MAPK10: variants seen among roughly 807,000 people sequenced by gnomAD.
The protein encoded by MAPK10 is mitogen-activated protein kinase 10.
MAPK10 carries 25 observed loss-of-function variants against 59.3 expected under a neutral mutation model. The ratio of observed to expected loss-of-function variants is 0.42; its 90% CI spans 0.31 to 0.59. The LOEUF (loss-of-function observed/expected upper bound fraction) is 0.59, where lower values mean the gene tolerates loss of function less well. MAPK10 is among the 20% of genes least tolerant of loss of function. The pLI, the probability that MAPK10 is intolerant of heterozygous loss-of-function variation, is 0.15. For missense variants in MAPK10, 351 were observed against 568.9 expected (o/e 0.62, Z 3.90); for synonymous variants, 190 against 200.5 (o/e 0.95, Z 0.44).
intron 9 of MAPK10, chr4:86,089,450 G>T: frequency 1.9e-6 from 1 of 538,876 alleles, no homozygotes; most frequent in Non-Finnish European, 3.3e-6. Flanking sequence ...GAGAACATAG[G>T]CTCTCAAGGC....
At chr4:86,268,840 GTGAA>G (rs1203347594) in intron 2 of MAPK10, among the ~76,000 whole-genome samples, 1 of 152,074 alleles carries the variant, frequency 6.6e-6, no homozygotes, top group Non-Finnish European at 1.5e-5. Context: ...GTATCAGTAT[GTGAA>G]TGAATGAATA....
At chr4:86,095,698 C>CA (rs1561623512) in intron 9 of MAPK10, 1 of 151,738 alleles carries the variant, frequency 6.6e-6, no homozygotes, top group Non-Finnish European at 1.5e-5. Flanking sequence ...TCTGACTGCT[C>CA]AGTTGTTGGT....
At chr4:86,126,227 T>C (rs1453364532) in intron 4 of MAPK10, among the ~76,000 whole-genome samples, 2 of 152,106 alleles carry the variant, frequency 1.3e-5, no homozygotes, top group Non-Finnish European at 2.9e-5. Context: ...TTTCCTTTGT[T>C]ACTGCTCTGT....
intron 1 of MAPK10, among the ~76,000 whole-genome samples, chr4:86,368,526 A>G (rs1738261417): frequency 6.6e-6 from 1 of 152,178 alleles, no homozygotes; most frequent in South Asian, 2.1e-4. Context: ...ACATCAAACA[A>G]AAGTAGATAA....
At chr4:86,518,754 T>C (rs1756900683) in intron 1 of MAPK10, among the ~76,000 whole-genome samples, 1 of 152,118 alleles carries the variant, frequency 6.6e-6, no homozygotes, top group South Asian at 2.1e-4. Context: ...GCATTTAATG[T>C]TATGAACTTT....
At chr4:86,242,663 A>G (rs1197324002) in intron 2 of MAPK10, among the ~76,000 whole-genome samples, 1 of 152,172 alleles carries the variant, frequency 6.6e-6, no homozygotes, top group Non-Finnish European at 1.5e-5. Flanking sequence ...CTGTGGGGAC[A>G]AGTCTTGGGA....
At chr4:86,046,538 A>G (rs1047952492) in intron 11 of MAPK10, among the ~76,000 whole-genome samples, 2 of 152,284 alleles carry the variant, frequency 1.3e-5, no homozygotes, top group South Asian at 4.1e-4. Context: ...GAAGCACAGT[A>G]TATAGTACAT....
chr4:86,285,699 T>C (rs1185266383), intron 2 of MAPK10, among the ~76,000 whole-genome samples: 1 of 152,164 alleles, frequency 6.6e-6, no homozygotes. Context: ...ACAGGATATA[T>C]ATACAAAGAG....
chr4:86,102,118 T>A (rs1004817814), intron 6 of MAPK10, 86 bp from the exon 7 acceptor site: 4 of 1,223,546 alleles, frequency 3.3e-6, no homozygotes, highest in Non-Finnish European at 4.8e-6. Context: ...CCTAACTCTG[T>A]AAGTCTTCTG....
chr4:86,181,801 G>A (rs530793961), intron 3 of MAPK10, among the ~76,000 whole-genome samples: 5 of 152,092 alleles, frequency 3.3e-5, no homozygotes, highest in Non-Finnish European at 7.4e-5. Context: ...AAAGAATGCG[G>A]TAAGTGCTGT....
chr4:86,148,351 C>G (rs1445991384), intron 4 of MAPK10, among the ~76,000 whole-genome samples: 1 of 152,118 alleles, frequency 6.6e-6, no homozygotes, highest in Non-Finnish European at 1.5e-5. Flanking sequence ...AAGAAAATAG[C>G]TTCATATAAA....
chr4:86,462,627 T>C (rs1408689794), intron 1 of MAPK10, among the ~76,000 whole-genome samples: 1 of 152,208 alleles, frequency 6.6e-6, no homozygotes, highest in Non-Finnish European at 1.5e-5. Context: ...GGTAAAGCCC[T>C]TGAAGTATAT....
At chr4:86,166,964 T>C (rs2071963228) in intron 3 of MAPK10, among the ~76,000 whole-genome samples, 2 of 151,574 alleles carry the variant, frequency 1.3e-5, no homozygotes, top group African/African-American at 4.9e-5. Flanking sequence ...CTAAAATAGA[T>C]TGACTGCTAG....
chr4:86,197,193 A>G (rs1268125685), intron 2 of MAPK10, among the ~76,000 whole-genome samples: 3 of 152,204 alleles, frequency 2.0e-5, no homozygotes, highest in Non-Finnish European at 2.9e-5. Flanking sequence ...ATCCATGAGC[A>G]TGGAATGTTT....
At chr4:86,221,649 G>A (rs574764290) in intron 2 of MAPK10, among the ~76,000 whole-genome samples, 1 of 151,266 alleles carries the variant, frequency 6.6e-6, no homozygotes, top group South Asian at 2.1e-4. Flanking sequence ...ACCACACCTG[G>A]CTGATTTTTG....
intron 1 of MAPK10, among the ~76,000 whole-genome samples, chr4:86,534,861 G>A (rs543319220): frequency 1.8e-4 from 28 of 152,196 alleles, no homozygotes; most frequent in African/African-American, 5.3e-4. Flanking sequence ...AACCGAGATC[G>A]CGCCAATGCA....
intron 3 of MAPK10, among the ~76,000 whole-genome samples, chr4:86,182,932 AG>A (rs2077233879): frequency 1.3e-5 from 2 of 152,110 alleles, no homozygotes; most frequent in South Asian, 4.1e-4. Context: ...TTGCTTTAAA[AG>A]AACTCTCATT....
chr4:86,479,409 C>A (rs193132638), intron 1 of MAPK10, among the ~76,000 whole-genome samples: 1 of 151,728 alleles, frequency 6.6e-6, no homozygotes, highest in African/African-American at 2.4e-5. Context: ...CCTGTATAGA[C>A]GCTCCTTTTT....
At chr4:86,279,639 G>C (rs1156910874) in intron 2 of MAPK10, among the ~76,000 whole-genome samples, 1 of 152,144 alleles carries the variant, frequency 6.6e-6, no homozygotes, top group African/African-American at 2.4e-5. Flanking sequence ...TGGGACAGCT[G>C]TTTCTCTCCC....
Sources: allele counts gnomAD v4.1 joint callset (sites outside exome capture counted in the v4.1 genomes callset), GRCh38; gene constraint gnomAD v4.1.1; transcripts MANE v1.5; gene names NCBI Gene and HGNC (gene_info 2026-07-23, HGNC 2026-07-21).